Variants in MSANTD4 observed in about 807,000 individuals in gnomAD.
MSANTD4 encodes myb/SANT-like DNA-binding domain-containing protein 4.
In MSANTD4, 13 loss-of-function variants were observed where a neutral mutation model predicts 34.3. The observed-to-expected ratio is 0.38, with a 90% CI of 0.25 to 0.60. MSANTD4 has a LOEUF of 0.60. MSANTD4 is among the 20% of genes least tolerant of loss of function. The pLI, the probability that MSANTD4 is intolerant of heterozygous loss-of-function variation, is 0.63. For missense variants in MSANTD4, 358 were observed against 401.8 expected (o/e 0.89, Z 0.93); for synonymous variants, 137 against 145.2 (o/e 0.94, Z 0.41).
At position 106,009,225 on chromosome 11, in the gene MSANTD4, C is replaced by T. The variant is rs1859610374; in HGVS notation, c.*310G>A. The T allele has an allele frequency of 9.0e-6, 2 of 221,526 alleles. No individual in the cohort carries two copies. The highest frequency in any genetic ancestry group is 1.2e-4 in the South Asian group (1 of 8,438). 13.7% of individuals were successfully genotyped at this position (221,526 alleles called of 1,614,324 possible). On this transcript the variant is annotated 3_prime_UTR_variant, in exon 3 of 3. Transcript: ENST00000301919. ...GGTCTTCTGAAGGCCAAAATCTACC[C>T]CAGATGAGAACTTCTGGGCTAGAAT...
At chr11:106,020,887 T>C (rs1306157924) in intron 1 of MSANTD4, 75 bp downstream of exon 1, 1 of 152,228 alleles carries the variant, frequency 6.6e-6, no homozygotes, top group East Asian at 1.9e-4. Context: ...AAAACCTTGA[T>C]ATTTTCTGAT....
At position 106,011,059 on chromosome 11, in the gene MSANTD4, G is replaced by A. The variant is rs1194921571; in HGVS notation, c.-142C>T. On this transcript the variant is annotated 5_prime_UTR_variant, in exon 2 of 3. Transcript: ENST00000301919. ...CATTCATCTAGTGGCAAGGCAGTCT[G>A]GATAATTCCTAAAAGGAAAAAAGTA... 6 of 1,378,128 alleles carry A rather than the reference G, an allele frequency of 4.4e-6. No individual in the cohort carries two copies. The East Asian group carries it at 1.0e-4, about 24-fold the overall frequency. 85.4% of individuals were successfully genotyped at this position (1,378,128 alleles called of 1,614,324 possible). A position where few individuals can be genotyped will look rare whatever the true frequency, so the allele number is the denominator to read the frequency against.
intron 1 of MSANTD4, among the ~76,000 whole-genome samples, chr11:106,014,640 T>C (rs1008157151): frequency 1.3e-5 from 2 of 152,246 alleles, no homozygotes; most frequent in African/African-American, 4.8e-5. Flanking sequence ...TAATACCTTA[T>C]TTTTAAACTT....
In MSANTD4 at chr11:106,010,546, G is replaced by T; in HGVS notation, c.372C>A (p.Asp124Glu). Residue 124 changes from aspartate (D) to glutamate (E), a missense_variant, in exon 2 of 3, where the codon GAC becomes GAA. Transcript: ENST00000301919. Reference protein sequence around the residue: ...KIGFRNDANFDWQNVADFRDA... With the variant: ...KIGFRNDANFEWQNVADFRDA... ...CCCTGAAATCTGCCACATTTTGCCAGTCAAAATTTGCATCATTTCGGAATC... is the reference window on the plus strand; with the variant it reads ...CCCTGAAATCTGCCACATTTTGCCATTCAAAATTTGCATCATTTCGGAATC... 1 of 1,614,140 alleles carries T rather than the reference G, an allele frequency of 6.2e-7. No homozygotes were observed. Among genetic ancestry groups the T allele is most frequent in the Non-Finnish European group, 8.5e-7 (1 of 1,180,020 alleles).
At chr11:106,017,869 A>G (rs1050163570) in intron 1 of MSANTD4, among the ~76,000 whole-genome samples, 2 of 152,236 alleles carry the variant, frequency 1.3e-5, no homozygotes, top group African/African-American at 4.8e-5. Context: ...TATACAATTG[A>G]AAAACATTTT....
Position 106,010,869 on chromosome 11 carries a change from T to C in MSANTD4, c.49A>G (p.Thr17Ala). The C allele has an allele frequency of 6.2e-7, 1 of 1,609,380 alleles. No individual in the cohort carries two copies. ...GTAATTTCTTTCAAAAGGGTCTGAG[T>C]TTCTTGAACACTAAAATTGCTTTTC... Reference protein sequence around the residue: ...KRKSNFSVQETQTLLKEITKR... With the variant: ...KRKSNFSVQEAQTLLKEITKR... Residue 17 changes from threonine (T) to alanine (A), a missense_variant, in exon 2 of 3, where the codon ACT becomes GCT. By Grantham distance (58) the Thr-to-Ala change is moderately conservative (BLOSUM62 0). Around this residue, in one of 2 missense-constraint regions of MSANTD4, gnomAD observed 46 missense variants for 84.3 expected, o/e 0.55. Transcript: ENST00000301919.
intron 1 of MSANTD4, among the ~76,000 whole-genome samples, chr11:106,012,837 A>T (rs1414607780): frequency 1.3e-5 from 2 of 152,186 alleles, no homozygotes; most frequent in African/African-American, 4.8e-5. Flanking sequence ...GCCTTACATA[A>T]GTGCATCTGG....
Position 106,009,577 on chromosome 11 carries a change from C to A in MSANTD4, c.996G>T (p.Glu332Asp). 6.2e-7 allele frequency: 1 copy of A among 1,611,932 alleles called. No individual in the cohort carries two copies. Among genetic ancestry groups the A allele is most frequent in the Non-Finnish European group, 8.5e-7 (1 of 1,178,830 alleles). ...LQIEKERLQV[E>D]KDRLRIQKEG... Reference sequence around the variant, plus strand: ...CTTTCTGAATTCGAAGTCTGTCTTTCTCTACCTGTAAGCGTTCCTTTTCAA... The same window carrying A: ...CTTTCTGAATTCGAAGTCTGTCTTTATCTACCTGTAAGCGTTCCTTTTCAA... Residue 332 changes from glutamate to aspartate, a missense_variant, in exon 3 of 3, where the codon GAG (glutamate) becomes GAT (aspartate). Glu to Asp is a conservative substitution (Grantham distance 45, BLOSUM62 2). Coordinates refer to ENST00000301919, the MANE Select transcript of MSANTD4 (RefSeq NM_032424.3).
rs1042103784 is a variant in MSANTD4, at chr11:106,009,252, T to C, written c.*283A>G. ...AGATGAGAACTTCTGGGCTAGAATTTTATATGGACATAATTGTAAACTCTG... is the reference window on the plus strand; with the variant it reads ...AGATGAGAACTTCTGGGCTAGAATTCTATATGGACATAATTGTAAACTCTG... On this transcript the variant is annotated 3_prime_UTR_variant, in exon 3 of 3. Coordinates refer to ENST00000301919, the MANE Select transcript of MSANTD4 (RefSeq NM_032424.3). 2 of 269,736 alleles carry C rather than the reference T, an allele frequency of 7.4e-6. No individual in the cohort carries two copies. Among genetic ancestry groups the C allele is most frequent in the African/African-American group, 4.4e-5 (2 of 45,324 alleles). 16.7% of individuals were successfully genotyped at this position (269,736 alleles called of 1,614,324 possible). A position where few individuals can be genotyped will look rare whatever the true frequency, so the allele number is the denominator to read the frequency against.
intron 1 of MSANTD4, among the ~76,000 whole-genome samples, chr11:106,015,535 T>C (rs1859820286): frequency 1.3e-5 from 2 of 152,232 alleles, no homozygotes; most frequent in Admixed American, 1.3e-4. Flanking sequence ...TTTATTATTA[T>C]GCTTCATAAC....
rs1312638868 is a variant in MSANTD4 at position 106,008,336 on chromosome 11, A to C, written c.*1199T>G. On this transcript the variant is annotated 3_prime_UTR_variant, in exon 3 of 3. Coordinates refer to ENST00000301919, the MANE Select transcript of MSANTD4 (RefSeq NM_032424.3). ...AGAGGGAAGGACAAAATATACTACA[A>C]TATAGAAGATCAGCCATTTACTCTG... The C allele has an allele frequency of 6.6e-6, 1 of 152,320 alleles. No homozygotes were observed. Among genetic ancestry groups the C allele is most frequent in the Non-Finnish European group, 1.5e-5 (1 of 68,030 alleles). 9.4% of individuals were successfully genotyped at this position (152,320 alleles called of 1,614,324 possible).
intron 1 of MSANTD4, among the ~76,000 whole-genome samples, chr11:106,016,614 A>G (rs1305783345): frequency 6.6e-6 from 1 of 152,228 alleles, no homozygotes; most frequent in Non-Finnish European, 1.5e-5. Flanking sequence ...AAACTAATTC[A>G]AGGAAAGTAA....
At chr11:106,016,019 T>C (rs1408696393) in intron 1 of MSANTD4, among the ~76,000 whole-genome samples, 2 of 152,134 alleles carry the variant, frequency 1.3e-5, no homozygotes, top group African/African-American at 4.8e-5. Flanking sequence ...CACCATGTAC[T>C]ACTAATTTTT....
chr11:106,011,174 A>C, intron 1 of MSANTD4, 107 bp from the exon 2 acceptor site: 1 of 478,346 alleles, frequency 2.1e-6, no homozygotes, highest in Non-Finnish European at 3.5e-6. Flanking sequence ...AACCCTCTAA[A>C]TATAGCTTAA....
intron 1 of MSANTD4, among the ~76,000 whole-genome samples, chr11:106,017,960 G>C (rs867784934): frequency 1.3e-5 from 2 of 152,266 alleles, no homozygotes; most frequent in Middle Eastern, 3.4e-3. Flanking sequence ...TGCAGACTCT[G>C]ATTCAGGTCT....
At chr11:106,017,986 A>G (rs1204173858) in intron 1 of MSANTD4, among the ~76,000 whole-genome samples, 1 of 152,120 alleles carries the variant, frequency 6.6e-6, no homozygotes, top group African/African-American at 2.4e-5. Flanking sequence ...GGGGCCTGGG[A>G]TTCTACATTT....
At chr11:106,017,269 G>A (rs564112506) in intron 1 of MSANTD4, among the ~76,000 whole-genome samples, 2 of 152,128 alleles carry the variant, frequency 1.3e-5, no homozygotes, top group African/African-American at 2.4e-5. Flanking sequence ...GATCAACTTA[G>A]GAACATTCGC....
chr11:106,019,662 G>A (rs1361753298), intron 1 of MSANTD4, among the ~76,000 whole-genome samples: 1 of 152,080 alleles, frequency 6.6e-6, no homozygotes. Flanking sequence ...TCCTCCCTAT[G>A]TGCTTCCACT....
chr11:106,012,944 G>C (rs538473098), intron 1 of MSANTD4, among the ~76,000 whole-genome samples: 1 of 152,294 alleles, frequency 6.6e-6, no homozygotes, highest in South Asian at 2.1e-4. Flanking sequence ...GGCATACTAG[G>C]AGGCTGGAAC....
Sources: gnomAD v4.1 joint callset for allele counts (sites outside exome capture counted in the v4.1 genomes callset) on GRCh38, gnomAD v4.1.1 for gene constraint, gnomAD v4.1.1 regional missense constraint, MANE v1.5 for transcripts, NCBI Gene and HGNC (gene_info 2026-07-23, HGNC 2026-07-21) for gene names.